The following WSB1 variants were observed in gnomAD, a reference collection of about 807,000 sequenced individuals.
WSB1 encodes WD repeat and SOCS box-containing protein 1.
A neutral mutation model predicts 50.2 loss-of-function variants in WSB1; 23 were observed. The observed-to-expected ratio is 0.46, with a 90% CI of 0.33 to 0.65. The LOEUF is 0.65. Ranked by LOEUF, WSB1 falls within the 30% of genes least tolerant of loss-of-function variation. The probability of loss-of-function intolerance (pLI) is 0.02; values close to 1 mark genes in which losing one functional copy is unlikely to be tolerated. For synonymous variants in WSB1, 179 were observed against 172.0 expected (o/e 1.04, Z -0.32); for missense variants, 492 against 522.3 (o/e 0.94, Z 0.56).
Position 27,294,117 on chromosome 17 carries a change from G to T in WSB1, c.-279G>T. 3.6e-6 allele frequency: 1 copy of T among 281,660 alleles called. No individual in the cohort carries two copies. The highest frequency in any genetic ancestry group is 1.2e-4 in the South Asian group (1 of 8,556). 17.4% of individuals were successfully genotyped at this position (281,660 alleles called of 1,614,324 possible). A position where few individuals can be genotyped will look rare whatever the true frequency, so the allele number is the denominator to read the frequency against. ...CGCCGCCCGCCATTTTGACTCCAGT[G>T]TCTCGTTTGCAGTCGGCGCTTTAGG... On this transcript the variant is annotated 5_prime_UTR_variant, in exon 1 of 9. Coordinates refer to ENST00000262394, the MANE Select transcript of WSB1 (RefSeq NM_015626.10).
chr17:27,301,691 G>T, intron 1 of WSB1, 97 bp from the exon 2 acceptor site: 1 of 1,315,208 alleles, frequency 7.6e-7, no homozygotes, highest in Middle Eastern at 2.2e-4. Flanking sequence ...TGTCTGCATA[G>T]AAGAGGGAAG....
chr17:27,305,512 AT>A (rs1216171102), intron 4 of WSB1, among the ~76,000 whole-genome samples: 1 of 152,264 alleles, frequency 6.6e-6, no homozygotes, highest in Admixed American at 6.5e-5. Flanking sequence ...TGAGATGAGC[AT>A]CTCTTCCCTT....
rs1272863563 is a variant in WSB1, at chr17:27,299,397, G to A, written c.41-2391G>A. 3.3e-5 allele frequency among the ~76,000 whole-genome samples: 5 copies of A among 152,312 alleles called. No individual in the cohort carries two copies. In the East Asian group the frequency reaches 9.7e-4, roughly 29 times the overall value. On this transcript the variant is annotated intron_variant, in intron 1 of 8. Transcript: ENST00000262394. ...GTAGTGGTGCATGTCTGTGGTCCCA[G>A]CTACTTGGGAGGCTGAGGCAGGAGG...
chr17:27,311,468 A>G, intron 7 of WSB1, 41 bp from the exon 8 acceptor site: 16 of 1,536,646 alleles, frequency 1.0e-5, no homozygotes, highest in Non-Finnish European at 1.4e-5. Flanking sequence ...CTTTTACCTT[A>G]CATTTTCTAC....
intron 1 of WSB1, among the ~76,000 whole-genome samples, chr17:27,295,605 G>A (rs1257077821): frequency 6.6e-6 from 1 of 151,356 alleles, no homozygotes; most frequent in Non-Finnish European, 1.5e-5. Flanking sequence ...GAAAAAAAAA[G>A]ATGCAAAGAA....
intron 5 of WSB1, chr17:27,308,725 T>C: frequency 1.0e-6 from 1 of 987,072 alleles, no homozygotes; most frequent in Non-Finnish European, 1.2e-6. Context: ...AATCTGGTAG[T>C]TTCTGGAAAA....
rs778816914 is a variant in WSB1 at position 27,301,914 on chromosome 17, G to A, written c.167G>A (p.Arg56His). 5 of 1,609,724 alleles carry A rather than the reference G, an allele frequency of 3.1e-6. No individual in the cohort carries two copies. The highest frequency in any genetic ancestry group is 1.1e-5 in the South Asian group (1 of 90,392). Residue 56 changes from arginine to histidine, a missense_variant, in exon 2 of 9, where the codon CGC becomes CAC. By Grantham distance (29) the Arg-to-His change is conservative. Coordinates refer to ENST00000262394, the MANE Select transcript of WSB1 (RefSeq NM_015626.10). The stretch of plus-strand genomic sequence containing the variant: ...TACTTTGCTTGGTCACAAGGACATC[G>A]CACAGTAAAGCTTGTTCCGTGGTCC... ...GSYFAWSQGH[R>H]TVKLVPWSQC...
In WSB1 at chr17:27,312,190, T is replaced by C. The variant is rs111311661; in HGVS notation, c.1107-20T>C. ...ATACATATACTTGGGTGACTAAGCATGTGCTTTGTTTCTGTTTAGGACACA... is the reference window on the plus strand; with the variant it reads ...ATACATATACTTGGGTGACTAAGCACGTGCTTTGTTTCTGTTTAGGACACA... On this transcript the variant is annotated intron_variant, in intron 8 of 8. Transcript: ENST00000262394. The C allele has an allele frequency of 1.3e-6, 2 of 1,594,302 alleles. No homozygotes were observed. The highest frequency in any genetic ancestry group is 1.7e-6 in the Non-Finnish European group (2 of 1,171,898).
In WSB1 at chr17:27,311,633, CTTTTTTTTTTTT is replaced by C. The variant is rs142949229; in HGVS notation, c.1106+32_1106+43del. 36 of 491,116 alleles carry C rather than the reference CTTTTTTTTTTTT, an allele frequency of 7.3e-5. No individual in the cohort carries two copies. The highest frequency in any genetic ancestry group is 3.9e-4 in the South Asian group (14 of 35,962). The allele number at this position is 491,116 out of a possible 1,614,324, so 30.4% of individuals were successfully genotyped here. A position where few individuals can be genotyped will look rare whatever the true frequency, so the allele number is the denominator to read the frequency against. ...AGCTGCTGGGTAAATATATTTTTCTCTTTTTTTTTTTTTTTTTTTTTTTTTTGAGATGTAGTC... is the reference window on the plus strand; with the variant it reads ...AGCTGCTGGGTAAATATATTTTTCTCTTTTTTTTTTTTTTGAGATGTAGTC... On this transcript the variant is annotated intron_variant, in intron 8 of 8. Transcript: ENST00000262394.
rs543418647 is a variant in WSB1 at position 27,300,302 on chromosome 17, A to G, written c.41-1486A>G. On this transcript the variant is annotated intron_variant, in intron 1 of 8. Coordinates refer to ENST00000262394, the MANE Select transcript of WSB1 (RefSeq NM_015626.10). ...CAGAAATACATAAAAATATATTATT[A>G]TACAGTGTACAATTGACCAGACAAC... 2.0e-4 allele frequency among the ~76,000 whole-genome samples: 30 copies of G among 152,324 alleles called. No individual in the cohort carries two copies. The South Asian group carries it at 6.0e-3, about 30-fold the overall frequency.
At chr17:27,302,182 A>G (rs1041196171) in intron 2 of WSB1, among the ~76,000 whole-genome samples, 4 of 152,144 alleles carry the variant, frequency 2.6e-5, no homozygotes, top group African/African-American at 9.7e-5. Context: ...AGGCCAAGGC[A>G]GGCAGATCAC....
rs1597771997 is a variant in WSB1, at chr17:27,311,631, CTCT to C, written c.1106+17_1106+19del. 290 of 537,038 alleles carry C rather than the reference CTCT, an allele frequency of 5.4e-4. 4 individuals are homozygous for C. The East Asian group carries it at 0.01, about 19-fold the overall frequency. 33.3% of individuals were successfully genotyped at this position (537,038 alleles called of 1,614,324 possible). A position where few individuals can be genotyped will look rare whatever the true frequency, so the allele number is the denominator to read the frequency against. On this transcript the variant is annotated intron_variant, in intron 8 of 8. Coordinates refer to ENST00000262394, the MANE Select transcript of WSB1 (RefSeq NM_015626.10). ...TTAGCTGCTGGGTAAATATATTTTT[CTCT>C]TTTTTTTTTTTTTTTTTTTTTTTTT...
chr17:27,301,723 T>C, intron 1 of WSB1, 65 bp from the exon 2 acceptor site: 4 of 1,547,614 alleles, frequency 2.6e-6, no homozygotes, highest in Non-Finnish European at 3.5e-6. Context: ...CAAAGTAATA[T>C]GGAAGCAGTC....
At position 27,314,022 on chromosome 17, in the gene WSB1, T is replaced by C. The variant is rs181981877; in HGVS notation, c.*1653T>C. 2 of 152,342 alleles carry C rather than the reference T, an allele frequency of 1.3e-5. No individual in the cohort carries two copies. The highest frequency in any genetic ancestry group is 4.8e-5 in the African/African-American group (2 of 41,588). 9.4% of individuals were successfully genotyped at this position (152,342 alleles called of 1,614,324 possible). ...AGGCATTAAAAAAGCAAAACTCTTA[T>C]GAGCCATGTGTGATTTTGAAGACTC... On this transcript the variant is annotated 3_prime_UTR_variant, in exon 9 of 9. Transcript: ENST00000262394.
chr17:27,314,230 G>C lies in WSB1; in HGVS notation c.*1861G>C, dbSNP rs2017788481. The stretch of plus-strand genomic sequence containing the variant: ...GAAGCATCTAATCTTTATACTTCTT[G>C]TGACTTTTTTTCCCCTGCATTTTAC... On this transcript the variant is annotated 3_prime_UTR_variant, in exon 9 of 9. Transcript: ENST00000262394. 1 of 152,158 alleles carries C rather than the reference G, an allele frequency of 6.6e-6. No individual in the cohort carries two copies. The highest frequency in any genetic ancestry group is 1.5e-5 in the Non-Finnish European group (1 of 68,026). The allele number at this position is 152,158 out of a possible 1,614,324, so 9.4% of individuals were successfully genotyped here.
chr17:27,315,757 G>A lies in WSB1; in HGVS notation c.*3388G>A, dbSNP rs2017816802. On this transcript the variant is annotated 3_prime_UTR_variant, in exon 9 of 9. Transcript: ENST00000262394. ...ATAATACATTTTAACTAGCAAGTGT[G>A]TGGACTATAAAACAAATATCTAGAG... 1 of 152,212 alleles carries A rather than the reference G, an allele frequency of 6.6e-6. No individual in the cohort carries two copies. The highest frequency in any genetic ancestry group is 2.4e-5 in the African/African-American group (1 of 41,446). The allele number at this position is 152,212 out of a possible 1,614,324, so 9.4% of individuals were successfully genotyped here. A position where few individuals can be genotyped will look rare whatever the true frequency, so the allele number is the denominator to read the frequency against.
chr17:27,307,205 T>A (rs1243698895), intron 5 of WSB1: 1 of 231,710 alleles, frequency 4.3e-6, no homozygotes, highest in Middle Eastern at 1.5e-3. Flanking sequence ...ATTATTTTCT[T>A]CTCTGTTGTT....
At chr17:27,306,386 A>T (rs2017459218) in intron 4 of WSB1, among the ~76,000 whole-genome samples, 1 of 151,418 alleles carries the variant, frequency 6.6e-6, no homozygotes, top group South Asian at 2.1e-4. Context: ...CTGATTTTTT[A>T]ATGTTTTTTA....
intron 2 of WSB1, 67 bp from the exon 3 acceptor site, chr17:27,303,298 ATT>A (rs2017309830): frequency 1.3e-6 from 2 of 1,502,808 alleles, no homozygotes; most frequent in African/African-American, 2.8e-5. Flanking sequence ...AACACTTGTA[ATT>A]ATTCAATGTC....
Sources: allele counts gnomAD v4.1 joint callset (sites outside exome capture counted in the v4.1 genomes callset), GRCh38; gene constraint gnomAD v4.1.1; transcripts MANE v1.5; gene names NCBI Gene and HGNC (gene_info 2026-07-23, HGNC 2026-07-21).